COL4A4: variants seen among roughly 807,000 people sequenced by gnomAD.
COL4A4 encodes the protein collagen alpha-4(IV) chain.
A neutral mutation model predicts 192.9 loss-of-function variants in COL4A4; 105 were observed. That is an observed-to-expected ratio of 0.54 (90% CI 0.46 to 0.64). The LOEUF (loss-of-function observed/expected upper bound fraction) is 0.64. COL4A4 is among the 30% of genes least tolerant of loss of function. COL4A4 has a pLI of 0.00. For synonymous variants in COL4A4, 762 were observed against 769.9 expected (o/e 0.99, Z 0.17); for missense variants, 1,967 against 2,169.3 (o/e 0.91, Z 1.85).
intron 25 of COL4A4, among the ~76,000 whole-genome samples, chr2:227,071,781 A>G (rs1370014434): frequency 1.3e-5 from 2 of 152,186 alleles, no homozygotes; most frequent in Admixed American, 6.6e-5. Flanking sequence ...AAATTAAATA[A>G]TCTGCTCCTG....
chr2:227,099,098 A>G (rs1237500954), intron 18 of COL4A4, among the ~76,000 whole-genome samples: 1 of 152,192 alleles, frequency 6.6e-6, no homozygotes, highest in East Asian at 1.9e-4. Context: ...TTTCAGACGG[A>G]GTCTCCCTCT....
At chr2:227,071,334 TCAA>T (rs2150399440) in intron 25 of COL4A4, among the ~76,000 whole-genome samples, 1 of 152,038 alleles carries the variant, frequency 6.6e-6, no homozygotes, top group South Asian at 2.1e-4. Flanking sequence ...GATAAAACGA[TCAA>T]CAAGAAGATA....
intron 19 of COL4A4, among the ~76,000 whole-genome samples, chr2:227,097,875 G>A (rs1011380129): frequency 1.1e-4 from 16 of 152,182 alleles, no homozygotes; most frequent in African/African-American, 3.9e-4. Flanking sequence ...TATAACAAGA[G>A]ACACAGGCTG....
At chr2:227,119,621 C>G (rs2061670724) in intron 6 of COL4A4, among the ~76,000 whole-genome samples, 1 of 148,262 alleles carries the variant, frequency 6.7e-6, no homozygotes, top group East Asian at 2.0e-4. Context: ...TTGAAAGTAA[C>G]AGCAAAAACC....
rs960256162 is a variant in COL4A4 at position 227,094,296 on chromosome 2, G to A, written c.1205-7C>T. ...CCAGGGGGTCCTATCATGCCTGCAA[G>A]ATAAATCAAGAATGAAAATTACATA... On this transcript the variant is annotated splice_polypyrimidine_tract_variant and splice_region_variant and intron_variant, in intron 19 of 47. Transcript: ENST00000396625. The A allele has an allele frequency of 4.1e-5, 66 of 1,612,716 alleles. No individual in the cohort carries two copies. The highest frequency in any genetic ancestry group is 4.8e-5 in the Non-Finnish European group (57 of 1,179,384).
chr2:227,148,044 T>C (rs985179649), intron 1 of COL4A4, among the ~76,000 whole-genome samples: 1 of 152,100 alleles, frequency 6.6e-6, no homozygotes, highest in Non-Finnish European at 1.5e-5. Flanking sequence ...CAAATACATA[T>C]AAAAGTATTT....
At position 227,138,582 on chromosome 2, in the gene COL4A4, G is replaced by A. The variant is rs1412960398; in HGVS notation, c.192+1579C>T. Reference sequence around the variant, plus strand: ...TGAGAGGCGGAGCGTGCAGTGAGCCGAGATCGCGCCACCGCACTCCAGCCT... The same window carrying A: ...TGAGAGGCGGAGCGTGCAGTGAGCCAAGATCGCGCCACCGCACTCCAGCCT... On this transcript the variant is annotated intron_variant, in intron 4 of 47. Coordinates refer to ENST00000396625, the MANE Select transcript of COL4A4 (RefSeq NM_000092.5). Among the ~76,000 whole-genome samples the A allele has an allele frequency of 3.4e-5, 5 of 147,134 alleles. No homozygotes were observed. The South Asian group carries it at 6.5e-4, about 19-fold the overall frequency.
At chr2:227,068,204 T>C (rs201221941) in intron 25 of COL4A4, among the ~76,000 whole-genome samples, 4 of 150,140 alleles carry the variant, frequency 2.7e-5, no homozygotes, top group African/African-American at 9.7e-5. Flanking sequence ...AATAACAGGA[T>C]CTGAAATTGT....
chr2:226,969,605 G>T, the COL4A4 span, among the ~76,000 whole-genome samples: 1 of 152,090 alleles, frequency 6.6e-6, no homozygotes, highest in African/African-American at 2.4e-5. Flanking sequence ...ACCAGAAAAC[G>T]TGAGTCCCGT....
At chr2:227,049,571 T>C (rs576856200) in intron 34 of COL4A4, among the ~76,000 whole-genome samples, 1 of 152,360 alleles carries the variant, frequency 6.6e-6, no homozygotes, top group African/African-American at 2.4e-5. Context: ...AAAAACCCAA[T>C]TGTAAATTAC....
At chr2:227,089,590 T>TATATATATATATAC in intron 21 of COL4A4, among the ~76,000 whole-genome samples, 1 of 130,604 alleles carries the variant, frequency 7.7e-6, no homozygotes, top group South Asian at 2.7e-4. Flanking sequence ...AAATGTTCCA[T>TATATATATATATAC]ATATATATAT....
At chr2:227,103,660 A>G (rs1448572820) in intron 13 of COL4A4, among the ~76,000 whole-genome samples, 1 of 152,232 alleles carries the variant, frequency 6.6e-6, no homozygotes, top group Non-Finnish European at 1.5e-5. Flanking sequence ...TAACATCTAA[A>G]GGACAACTGG....
chr2:227,147,363 T>C (rs1307300416), intron 2 of COL4A4, 50 bp downstream of exon 2: 1 of 1,531,786 alleles, frequency 6.5e-7, no homozygotes, highest in Non-Finnish European at 9.0e-7. Context: ...GAACAAACAT[T>C]GAGTAGAAAT....
At chr2:227,159,650 CTGAG>C (rs1351937171) in intron 1 of COL4A4, among the ~76,000 whole-genome samples, 6 of 152,172 alleles carry the variant, frequency 3.9e-5, no homozygotes, top group South Asian at 2.1e-4. Context: ...TCTCATGATA[CTGAG>C]TGAGTTCTCA....
chr2:227,016,537 G>A (rs1246988974), intron 44 of COL4A4, among the ~76,000 whole-genome samples: 3 of 152,134 alleles, frequency 2.0e-5, no homozygotes, highest in East Asian at 1.9e-4. Flanking sequence ...TTGAGTGGTC[G>A]CAGCAAAGAT....
the COL4A4 span, among the ~76,000 whole-genome samples, chr2:226,973,928 G>T: frequency 1.3e-5 from 2 of 152,116 alleles, no homozygotes; most frequent in Admixed American, 1.3e-4. Flanking sequence ...CTTTTCGTTC[G>T]CATGGGCTCT....
rs1575662687 is a variant in COL4A4 at position 227,002,918 on chromosome 2, A to C, written c.*4407T>G. On this transcript the variant is annotated 3_prime_UTR_variant, in exon 48 of 48. Coordinates refer to ENST00000396625, the MANE Select transcript of COL4A4 (RefSeq NM_000092.5). ...TTTCCCATGAATCATTAAATATTTA[A>C]GCACCATAAAATTCAAGCATTTCAC... The C allele has an allele frequency of 6.5e-6, 1 of 152,810 alleles. No individual in the cohort carries two copies. Among genetic ancestry groups the C allele is most frequent in the Middle Eastern group, 3.4e-3 (1 of 294 alleles). The allele number at this position is 152,810 out of a possible 1,614,324, so 9.5% of individuals were successfully genotyped here.
chr2:227,056,765 A>T (rs1273547083), intron 29 of COL4A4, among the ~76,000 whole-genome samples: 1 of 152,258 alleles, frequency 6.6e-6, no homozygotes, highest in Non-Finnish European at 1.5e-5. Flanking sequence ...ATAAGGGCAG[A>T]GCCCTCATGA....
chr2:227,111,634 T>C (rs758448911), intron 9 of COL4A4, 44 bp downstream of exon 9: 2 of 1,603,728 alleles, frequency 1.2e-6, no homozygotes, highest in South Asian at 1.1e-5. Context: ...TCATAGGCTA[T>C]TTGAGGAGGA....
Sources: gnomAD v4.1 joint callset for allele counts (sites outside exome capture counted in the v4.1 genomes callset) on GRCh38, gnomAD v4.1.1 for gene constraint, MANE v1.5 for transcripts, NCBI Gene and HGNC (gene_info 2026-07-23, HGNC 2026-07-21) for gene names.